The following LINGO2 variants were observed in gnomAD, a reference collection of about 807,000 sequenced individuals.
LINGO2 encodes leucine-rich repeat and immunoglobulin-like domain-containing nogo receptor-interacting protein 2.
Under a neutral mutation model 30.6 loss-of-function variants are expected in LINGO2, and 14 were observed. The ratio of observed to expected loss-of-function variants is 0.46; its 90% CI spans 0.30 to 0.72. The LOEUF (loss-of-function observed/expected upper bound fraction) is 0.72. Among genes scored for constraint, LINGO2 ranks in the 30% least tolerant of loss-of-function variants. LINGO2 has a pLI of 0.07. For missense variants in LINGO2, 729 were observed against 751.7 expected (o/e 0.97, Z 0.35); for synonymous variants, 317 against 288.5 (o/e 1.10, Z -1.00).
intron 4 of LINGO2, among the ~76,000 whole-genome samples, chr9:28,231,997 C>T (rs1821372619): frequency 6.6e-6 from 1 of 152,018 alleles, no homozygotes; most frequent in South Asian, 2.1e-4. Context: ...CAGTATAATA[C>T]ATCATCCTTA....
At chr9:28,128,016 A>AT (rs1290217113) in intron 4 of LINGO2, among the ~76,000 whole-genome samples, 1 of 152,114 alleles carries the variant, frequency 6.6e-6, no homozygotes, top group Non-Finnish European at 1.5e-5. Context: ...CAAAGCAGTT[A>AT]TTTTTCTGTC....
chr9:28,941,364 C>T, the LINGO2 span, among the ~76,000 whole-genome samples: 2 of 152,054 alleles, frequency 1.3e-5, no homozygotes, highest in Non-Finnish European at 2.9e-5. Flanking sequence ...AAACGATACC[C>T]TATTCCTTTT....
intron 1 of LINGO2, among the ~76,000 whole-genome samples, chr9:28,573,067 T>G (rs896380735): frequency 2.6e-5 from 4 of 152,148 alleles, no homozygotes; most frequent in Admixed American, 2.6e-4. Flanking sequence ...ATTGGCAAAA[T>G]ATTTGCAGAA....
At chr9:29,149,497 TAGAG>T in the LINGO2 span, among the ~76,000 whole-genome samples, 144 of 151,984 alleles carry the variant, frequency 9.5e-4, no homozygotes, top group African/African-American at 3.2e-3. Flanking sequence ...CAAGAGTTGA[TAGAG>T]AGGCAACGCG....
intron 5 of LINGO2, among the ~76,000 whole-genome samples, chr9:27,971,773 C>A (rs1820367116): frequency 6.6e-6 from 1 of 152,042 alleles, no homozygotes; most frequent in Admixed American, 6.6e-5. Context: ...GTTTATAAGG[C>A]CTTTGGGGAC....
intron 2 of LINGO2, among the ~76,000 whole-genome samples, chr9:28,444,460 A>G (rs1824333792): frequency 6.6e-6 from 1 of 152,208 alleles, no homozygotes; most frequent in Admixed American, 6.5e-5. Context: ...CTGTAACACA[A>G]ATGGGCTGAA....
intron 2 of LINGO2, among the ~76,000 whole-genome samples, chr9:28,455,179 CA>C (rs1349706379): frequency 6.6e-6 from 1 of 151,796 alleles, no homozygotes; most frequent in African/African-American, 2.4e-5. Flanking sequence ...AGGAGAGACA[CA>C]ATGGGAGACA....
At chr9:29,183,923 T>G in the LINGO2 span, among the ~76,000 whole-genome samples, 1 of 151,964 alleles carries the variant, frequency 6.6e-6, no homozygotes, top group African/African-American at 2.4e-5. Context: ...CCTACAAATG[T>G]AACACTTGAG....
chr9:28,023,148 G>T (rs910165578), intron 4 of LINGO2, among the ~76,000 whole-genome samples: 2 of 151,976 alleles, frequency 1.3e-5, no homozygotes, highest in African/African-American at 4.8e-5. Flanking sequence ...GAAAATCTGT[G>T]TCACAGAATC....
intron 4 of LINGO2, among the ~76,000 whole-genome samples, chr9:28,187,686 G>A (rs989653577): frequency 1.3e-5 from 2 of 152,130 alleles, no homozygotes; most frequent in Non-Finnish European, 2.9e-5. Context: ...GATAAGGGGG[G>A]CAGACATAAA....
At position 28,481,869 on chromosome 9, in the gene LINGO2, C is replaced by T. The variant is rs557885885; in HGVS notation, c.-364-5844G>A. 8.0e-5 allele frequency among the ~76,000 whole-genome samples: 12 copies of T among 150,560 alleles called. No homozygotes were observed. In the East Asian group the frequency reaches 9.8e-4, roughly 12 times the overall value. ...GTTCCCACCTATGAGTGAGAATATG[C>T]GGTGTTTGGTTCTTTGTTCTTGTGA... On this transcript the variant is annotated intron_variant, in intron 1 of 5. Transcript: ENST00000379992.
intron 4 of LINGO2, among the ~76,000 whole-genome samples, chr9:28,260,237 T>C (rs976564847): frequency 2.0e-4 from 30 of 150,288 alleles, no homozygotes; most frequent in African/African-American, 7.2e-4. Flanking sequence ...TGATGACTTG[T>C]AATTTTTTTT....
chr9:28,247,803 G>T (rs1822057035), intron 4 of LINGO2, among the ~76,000 whole-genome samples: 1 of 152,148 alleles, frequency 6.6e-6, no homozygotes, highest in South Asian at 2.1e-4. Flanking sequence ...CAAAAGATTT[G>T]AATGGAAATT....
chr9:28,136,584 A>G (rs894550707), intron 4 of LINGO2, among the ~76,000 whole-genome samples: 1 of 152,052 alleles, frequency 6.6e-6, no homozygotes, highest in Non-Finnish European at 1.5e-5. Context: ...ATTAACATAA[A>G]CATGACCTGG....
the LINGO2 span, among the ~76,000 whole-genome samples, chr9:29,107,734 A>G: frequency 2.0e-5 from 3 of 152,106 alleles, no homozygotes; most frequent in African/African-American, 7.2e-5. Flanking sequence ...TCATTTGCCA[A>G]TAGTTCATCT....
intron 1 of LINGO2, among the ~76,000 whole-genome samples, chr9:28,503,360 A>C (rs1016140675): frequency 2.1e-4 from 32 of 152,202 alleles, no homozygotes; most frequent in African/African-American, 7.5e-4. Context: ...AAATCAACAT[A>C]TTGAAGATAA....
chr9:28,847,780 G>GT, the LINGO2 span, among the ~76,000 whole-genome samples: 7 of 34,214 alleles, frequency 2.0e-4, no homozygotes, highest in African/African-American at 6.9e-4. Context: ...TGTATATATA[G>GT]TATATATACA....
At chr9:28,401,008 A>G (rs1822240569) in intron 2 of LINGO2, among the ~76,000 whole-genome samples, 1 of 152,174 alleles carries the variant, frequency 6.6e-6, no homozygotes, top group Non-Finnish European at 1.5e-5. Flanking sequence ...GCTCCTAAAC[A>G]CCAATAACAT....
the LINGO2 span, among the ~76,000 whole-genome samples, chr9:29,021,130 T>A: frequency 1.3e-5 from 2 of 152,146 alleles, no homozygotes; most frequent in Non-Finnish European, 2.9e-5. Context: ...ATATTTGTTA[T>A]GGCTTGTACT....
Sources: gnomAD v4.1 joint callset for allele counts (sites outside exome capture counted in the v4.1 genomes callset) on GRCh38, gnomAD v4.1.1 for gene constraint, MANE v1.5 for transcripts, NCBI Gene and HGNC (gene_info 2026-07-23, HGNC 2026-07-21) for gene names.